Variants in ADGRB3 observed in about 807,000 individuals in gnomAD.
ADGRB3 encodes adhesion G protein-coupled receptor B3, also known as brain-specific angiogenesis inhibitor 3.
Under a neutral mutation model 193.4 loss-of-function variants are expected in ADGRB3, and 37 were observed. The ratio of observed to expected loss-of-function variants is 0.19; its 90% CI spans 0.15 to 0.25. The LOEUF (loss-of-function observed/expected upper bound fraction) is 0.25. ADGRB3 is among the 10% of genes least tolerant of loss of function. ADGRB3 has a pLI of 1.00. For missense variants in ADGRB3, 1,637 were observed against 1,852.9 expected (o/e 0.88, Z 2.14); for synonymous variants, 690 against 644.2 (o/e 1.07, Z -1.08).
chr6:68,722,105 A>G (rs1442489638), intron 3 of ADGRB3, among the ~76,000 whole-genome samples: 1 of 151,752 alleles, frequency 6.6e-6, no homozygotes, highest in Non-Finnish European at 1.5e-5. Flanking sequence ...TTAAAAATTT[A>G]GCACTTTTGA....
intron 13 of ADGRB3, among the ~76,000 whole-genome samples, chr6:69,047,316 C>G (rs1168425126): frequency 6.6e-6 from 1 of 151,676 alleles, no homozygotes; most frequent in Non-Finnish European, 1.5e-5. Context: ...ATTGAAAATG[C>G]TTATAATCTA....
At chr6:69,327,506 A>G (rs1383169760) in intron 21 of ADGRB3, among the ~76,000 whole-genome samples, 3 of 152,174 alleles carry the variant, frequency 2.0e-5, no homozygotes, top group Admixed American at 1.3e-4. Flanking sequence ...TTCCTTTATA[A>G]CAGTGTAAAC....
chr6:69,179,405 A>G (rs977680509), intron 17 of ADGRB3, among the ~76,000 whole-genome samples: 9 of 152,102 alleles, frequency 5.9e-5, no homozygotes, highest in Non-Finnish European at 1.2e-4. Flanking sequence ...AAGTTTCTTT[A>G]TGTAGATTTT....
intron 26 of ADGRB3, among the ~76,000 whole-genome samples, chr6:69,353,335 T>C (rs968955341): frequency 1.3e-5 from 2 of 152,228 alleles, no homozygotes; most frequent in Non-Finnish European, 2.9e-5. Context: ...AAAGTGACTT[T>C]ATTGGCAAGT....
At chr6:69,046,856 A>G (rs935499718) in intron 13 of ADGRB3, among the ~76,000 whole-genome samples, 1 of 152,032 alleles carries the variant, frequency 6.6e-6, no homozygotes, top group Admixed American at 6.6e-5. Context: ...GAGGAGTGTA[A>G]TGAATTATTT....
intron 3 of ADGRB3, among the ~76,000 whole-genome samples, chr6:68,808,293 C>T (rs991223006): frequency 6.6e-6 from 1 of 152,108 alleles, no homozygotes; most frequent in African/African-American, 2.4e-5. Flanking sequence ...CATCCACCAC[C>T]TTATCAGCTG....
intron 17 of ADGRB3, among the ~76,000 whole-genome samples, chr6:69,147,325 G>C (rs1241647045): frequency 6.6e-6 from 1 of 151,998 alleles, no homozygotes; most frequent in Non-Finnish European, 1.5e-5. Flanking sequence ...GTATCCCATA[G>C]GTCTTGGTAT....
intron 11 of ADGRB3, among the ~76,000 whole-genome samples, chr6:69,004,147 T>A (rs1157053445): frequency 6.6e-6 from 1 of 152,214 alleles, no homozygotes; most frequent in Non-Finnish European, 1.5e-5. Context: ...AAAAAGTTTT[T>A]ATTGAAGAAT....
intron 17 of ADGRB3, among the ~76,000 whole-genome samples, chr6:69,102,298 A>G (rs1309374850): frequency 1.3e-5 from 2 of 152,166 alleles, no homozygotes; most frequent in Non-Finnish European, 2.9e-5. Context: ...TAGAAAAGTG[A>G]GCCCAAGCAG....
chr6:69,014,850 A>G (rs1158763756), intron 12 of ADGRB3, among the ~76,000 whole-genome samples: 1 of 151,938 alleles, frequency 6.6e-6, no homozygotes, highest in Non-Finnish European at 1.5e-5. Context: ...TCTTGAAAAA[A>G]AAAGAATGAA....
intron 29 of ADGRB3, among the ~76,000 whole-genome samples, chr6:69,370,620 G>T (rs3799094): frequency 0.17 from 26,175 of 151,992 alleles, 2,664 homozygotes; most frequent in African/African-American, 0.28. Context: ...CTCAGAAACA[G>T]AATCTATCTC....
intron 17 of ADGRB3, among the ~76,000 whole-genome samples, chr6:69,156,169 C>G (rs566850868): frequency 6.6e-6 from 1 of 151,860 alleles, no homozygotes; most frequent in East Asian, 1.9e-4. Context: ...ATATGTTGGC[C>G]CTGTAATGGT....
At chr6:69,064,643 G>GAT (rs1771847236) in intron 16 of ADGRB3, among the ~76,000 whole-genome samples, 1 of 109,278 alleles carries the variant, frequency 9.2e-6, no homozygotes. Context: ...AATGTAGTAA[G>GAT]AGATTAATTC....
At chr6:69,187,054 TTTC>T (rs1424042232) in intron 17 of ADGRB3, among the ~76,000 whole-genome samples, 1 of 151,922 alleles carries the variant, frequency 6.6e-6, no homozygotes, top group East Asian at 1.9e-4. Context: ...ATGTGACAGT[TTTC>T]TTTCTGATTT....
chr6:69,103,360 C>CA (rs1436196017), intron 17 of ADGRB3, among the ~76,000 whole-genome samples: 2 of 151,878 alleles, frequency 1.3e-5, no homozygotes, highest in Non-Finnish European at 2.9e-5. Context: ...AAGTAGACAT[C>CA]AAAAAAACTA....
chr6:68,760,218 AT>A (rs1766371842), intron 3 of ADGRB3, among the ~76,000 whole-genome samples: 2 of 152,170 alleles, frequency 1.3e-5, no homozygotes, highest in Admixed American at 6.5e-5. Context: ...GGAGGTAAAC[AT>A]TTAGAATGTG....
At chr6:68,850,137 T>C (rs1768367622) in intron 3 of ADGRB3, among the ~76,000 whole-genome samples, 1 of 151,982 alleles carries the variant, frequency 6.6e-6, no homozygotes, top group African/African-American at 2.4e-5. Context: ...CCATAGTTTT[T>C]TTATTAATAG....
At chr6:68,797,477 C>T (rs192935883) in intron 3 of ADGRB3, among the ~76,000 whole-genome samples, 1 of 152,196 alleles carries the variant, frequency 6.6e-6, no homozygotes, top group East Asian at 1.9e-4. Context: ...ACCTGTCCGC[C>T]ATCCAGCCCA....
At chr6:68,698,803 T>C (rs560445872) in intron 3 of ADGRB3, among the ~76,000 whole-genome samples, 1 of 152,096 alleles carries the variant, frequency 6.6e-6, no homozygotes, top group Non-Finnish European at 1.5e-5. Flanking sequence ...TGTGATCTGC[T>C]TTTTGTGATT....
Sources: allele counts gnomAD v4.1 joint callset (sites outside exome capture counted in the v4.1 genomes callset), GRCh38; gene constraint gnomAD v4.1.1; transcripts MANE v1.5; gene names NCBI Gene and HGNC (gene_info 2026-07-23, HGNC 2026-07-21).